SFMBT2: variants seen among roughly 807,000 people sequenced by gnomAD.
SFMBT2 encodes Scm like with four mbt domains 2.
Under a neutral mutation model 110.1 loss-of-function variants are expected in SFMBT2, and 38 were observed. That is an observed-to-expected ratio of 0.35 (90% CI 0.27 to 0.45). The LOEUF is 0.45. Ranked by LOEUF, SFMBT2 falls within the 20% of genes least tolerant of loss-of-function variation. The pLI is 1.00. For synonymous variants in SFMBT2, 425 were observed against 425.4 expected (o/e 1.00, Z 0.01); for missense variants, 1,011 against 1,094.9 (o/e 0.92, Z 1.08).
At chr10:7,393,990 G>C (rs1182184555) in intron 1 of SFMBT2, among the ~76,000 whole-genome samples, 1 of 152,018 alleles carries the variant, frequency 6.6e-6, no homozygotes, top group Non-Finnish European at 1.5e-5. Flanking sequence ...CTGTATCCTA[G>C]AAGTATTGTG....
intron 1 of SFMBT2, among the ~76,000 whole-genome samples, chr10:7,410,421 G>T (rs1846340907): frequency 1.3e-5 from 2 of 152,364 alleles, no homozygotes; most frequent in African/African-American, 2.4e-5. Context: ...AGGTAGCAGC[G>T]GCGGCTGCGT....
intron 1 of SFMBT2, among the ~76,000 whole-genome samples, chr10:7,397,376 T>G (rs908642517): frequency 2.2e-5 from 3 of 133,384 alleles, no homozygotes; most frequent in Non-Finnish European, 3.3e-5. Context: ...TGTTTTTTTG[T>G]TTTTTTTTTT....
chr10:7,263,286 G>A (rs563669148), intron 7 of SFMBT2, among the ~76,000 whole-genome samples: 1 of 152,156 alleles, frequency 6.6e-6, no homozygotes, highest in Admixed American at 6.5e-5. Context: ...TCGTCGCCCA[G>A]GCTGGAGTAC....
intron 16 of SFMBT2, among the ~76,000 whole-genome samples, chr10:7,185,824 G>A (rs548833081): frequency 1.1e-5 from 1 of 93,806 alleles, no homozygotes; most frequent in African/African-American, 4.0e-5. Flanking sequence ...GAGAGGTGGA[G>A]GGCTTTTTTT....
chr10:7,228,776 CTCTCT>C (rs1564395595), intron 9 of SFMBT2, among the ~76,000 whole-genome samples: 36 of 133,828 alleles, frequency 2.7e-4, no homozygotes, highest in African/African-American at 6.9e-4. Context: ...CTCTCTCTCT[CTCTCT>C]CCCCCTCCCT....
At chr10:7,387,274 T>C (rs1845634237) in intron 1 of SFMBT2, among the ~76,000 whole-genome samples, 1 of 152,200 alleles carries the variant, frequency 6.6e-6, no homozygotes, top group South Asian at 2.1e-4. Context: ...CTAAGACACA[T>C]ACAATTTTAA....
intron 16 of SFMBT2, among the ~76,000 whole-genome samples, chr10:7,184,978 A>G (rs919782054): frequency 2.0e-5 from 3 of 152,186 alleles, no homozygotes; most frequent in African/African-American, 7.2e-5. Flanking sequence ...ATTCTTGGTC[A>G]CTGGACTTCA....
intron 4 of SFMBT2, among the ~76,000 whole-genome samples, chr10:7,355,748 G>C (rs549858326): frequency 5.3e-4 from 80 of 152,256 alleles, no homozygotes; most frequent in African/African-American, 1.7e-3. Flanking sequence ...GGAGGCAGAG[G>C]CTGCAGTAAG....
intron 4 of SFMBT2, among the ~76,000 whole-genome samples, chr10:7,343,595 G>C (rs1311934250): frequency 1.3e-5 from 2 of 152,198 alleles, no homozygotes; most frequent in Admixed American, 1.3e-4. Flanking sequence ...ACTGGTGTGA[G>C]ATGGTGTCTC....
intron 4 of SFMBT2, among the ~76,000 whole-genome samples, chr10:7,303,011 TA>T (rs34419665): frequency 0.15 from 23,274 of 150,368 alleles, 1,849 homozygotes; most frequent in Admixed American, 0.19. Context: ...GTTACAATGT[TA>T]AAAAAAAAAA....
At chr10:7,363,411 C>T (rs1314571419) in intron 4 of SFMBT2, among the ~76,000 whole-genome samples, 1 of 151,770 alleles carries the variant, frequency 6.6e-6, no homozygotes, top group Non-Finnish European at 1.5e-5. Flanking sequence ...TGCAGTGGCG[C>T]GATCTCGGCT....
At chr10:7,380,014 T>C (rs889542770) in intron 2 of SFMBT2, among the ~76,000 whole-genome samples, 2 of 152,202 alleles carry the variant, frequency 1.3e-5, no homozygotes, top group Non-Finnish European at 2.9e-5. Context: ...TTCCAAAACA[T>C]ATCATGAGAA....
At position 7,229,928 on chromosome 10, in the gene SFMBT2, G is replaced by A. The variant is rs558217053; in HGVS notation, c.1121-1991C>T. ...GAGACGAGGTTGCACCATATTGGCCGGGCTGGTCTCGAACTCCTGACCTTA... is the reference window on the plus strand; with the variant it reads ...GAGACGAGGTTGCACCATATTGGCCAGGCTGGTCTCGAACTCCTGACCTTA... On this transcript the variant is annotated intron_variant, in intron 9 of 20. Coordinates refer to ENST00000397167, the MANE Select transcript of SFMBT2 (RefSeq NM_001387889.1). 7.3e-5 allele frequency among the ~76,000 whole-genome samples: 11 copies of A among 151,574 alleles called. No homozygotes were observed. The South Asian group carries it at 8.4e-4, about 12-fold the overall frequency.
chr10:7,364,290 T>G (rs1844821258), intron 4 of SFMBT2, among the ~76,000 whole-genome samples: 2 of 152,252 alleles, frequency 1.3e-5, no homozygotes, highest in African/African-American at 4.8e-5. Flanking sequence ...TGTTAACAAT[T>G]GAAAAGACTT....
At chr10:7,196,690 C>T (rs1055731939) in intron 15 of SFMBT2, among the ~76,000 whole-genome samples, 18 of 152,288 alleles carry the variant, frequency 1.2e-4, no homozygotes, top group African/African-American at 4.1e-4. Context: ...GATTGCTGTG[C>T]CTGCAGAATT....
At chr10:7,363,381 C>T (rs1185359480) in intron 4 of SFMBT2, among the ~76,000 whole-genome samples, 2 of 151,938 alleles carry the variant, frequency 1.3e-5, no homozygotes, top group Admixed American at 1.3e-4. Context: ...TGGAGTCTCG[C>T]CCTGTTGCCC....
rs59930811 is a variant in SFMBT2, at chr10:7,163,123, C to CAACAAACAAACA, written c.*635_*646dup. ...GTCTCAAAAAACACAACAAAATGAA[C>CAACAAACAAACA]AACAAACAAACAAACAAACAAACAA... On this transcript the variant is annotated 3_prime_UTR_variant, in exon 21 of 21. Transcript: ENST00000397167. This position sits in a 1 kb window ranked among gnomAD's most constrained non-coding sequence, Gnocchi z 4.8. 12,560 of 160,668 alleles carry CAACAAACAAACA rather than the reference C, an allele frequency of 0.078. 819 individuals carry two copies. The highest frequency in any genetic ancestry group is 0.11 in the African/African-American group (4,552 of 41,074). The allele number at this position is 160,668 out of a possible 1,614,324, so 10.0% of individuals were successfully genotyped here.
At chr10:7,186,194 C>T (rs2131568629) in intron 16 of SFMBT2, among the ~76,000 whole-genome samples, 1 of 152,046 alleles carries the variant, frequency 6.6e-6, no homozygotes, top group East Asian at 1.9e-4. Flanking sequence ...ACACCTTCAT[C>T]CTCTCAAGTA....
chr10:7,164,752 C>T (rs1207036890), intron 20 of SFMBT2, among the ~76,000 whole-genome samples: 4 of 63,840 alleles, frequency 6.3e-5, no homozygotes, highest in African/African-American at 2.9e-4. Context: ...GGGAAACACA[C>T]ACACACACAC....
Sources: gnomAD v4.1 joint callset for allele counts (sites outside exome capture counted in the v4.1 genomes callset) on GRCh38, gnomAD v4.1.1 for gene constraint, Gnocchi (gnomAD v3.1) non-coding constraint, MANE v1.5 for transcripts, NCBI Gene and HGNC (gene_info 2026-07-23, HGNC 2026-07-21) for gene names.